Variants in PRKACB observed in about 807,000 individuals in gnomAD.
The protein encoded by PRKACB is cAMP-dependent protein kinase catalytic subunit beta.
Under a neutral mutation model 51.4 loss-of-function variants are expected in PRKACB, and 16 were observed. The observed-to-expected ratio is 0.31, with a 90% CI of 0.21 to 0.47. The LOEUF (loss-of-function observed/expected upper bound fraction) is 0.47, where lower values mean the gene tolerates loss of function less well. Ranked by LOEUF, PRKACB falls within the 20% of genes least tolerant of loss-of-function variation. The pLI, the probability that PRKACB is intolerant of heterozygous loss-of-function variation, is 1.00. For synonymous variants in PRKACB, 147 were observed against 154.4 expected, an observed-to-expected ratio of 0.95 and a Z score of 0.35; for missense variants, 309 against 464.5, an observed-to-expected ratio of 0.67 and a Z score of 3.08.
At chr1:84,155,187 G>A (rs1317611177) in intron 1 of PRKACB, among the ~76,000 whole-genome samples, 3 of 152,018 alleles carry the variant, frequency 2.0e-5, no homozygotes, top group African/African-American at 7.2e-5. Context: ...TAAAGATGCA[G>A]CATAAAAAAT....
intron 1 of PRKACB, among the ~76,000 whole-genome samples, chr1:84,113,456 T>G (rs2100853706): frequency 6.6e-6 from 1 of 152,276 alleles, no homozygotes; most frequent in East Asian, 1.9e-4. Flanking sequence ...TGGAAACAGT[T>G]TTTCAGTTTC....
intron 1 of PRKACB, among the ~76,000 whole-genome samples, chr1:84,120,338 G>A (rs1017395944): frequency 5.9e-5 from 9 of 152,080 alleles, no homozygotes; most frequent in Admixed American, 2.6e-4. Context: ...TAGTGTATTC[G>A]AAATTAGGAT....
upstream of PRKACB, chr1:84,078,098 T>TCGCCGCCGC (rs555766497): frequency 2.0e-4 from 84 of 419,694 alleles, 1 homozygote; most frequent in East Asian, 1.5e-3. Context: ...GCCACCGCCG[T>TCGCCGCCGC]CGCCGCCGCC....
chr1:84,087,214 G>T (rs1648083933), intron 1 of PRKACB, among the ~76,000 whole-genome samples: 1 of 152,194 alleles, frequency 6.6e-6, no homozygotes, highest in Non-Finnish European at 1.5e-5. Context: ...AGTCTATTCT[G>T]TGTGAATAAA....
At chr1:84,226,438 C>A (rs964647550) in intron 9 of PRKACB, among the ~76,000 whole-genome samples, 4 of 152,040 alleles carry the variant, frequency 2.6e-5, no homozygotes, top group Non-Finnish European at 5.9e-5. Flanking sequence ...GAGAACCCCC[C>A]TTCCTCCATA....
intron 8 of PRKACB, among the ~76,000 whole-genome samples, chr1:84,210,583 CAATT>C (rs1339773656): frequency 6.6e-6 from 1 of 152,116 alleles, no homozygotes; most frequent in Non-Finnish European, 1.5e-5. Context: ...AGTTTAGACT[CAATT>C]AAACTAAGCT....
intron 1 of PRKACB, among the ~76,000 whole-genome samples, chr1:84,171,057 C>T (rs1659297061): frequency 6.6e-6 from 1 of 151,384 alleles, no homozygotes; most frequent in African/African-American, 2.4e-5. Flanking sequence ...TAATAAAAAG[C>T]TTTAAAAAAA....
intron 8 of PRKACB, among the ~76,000 whole-genome samples, chr1:84,209,094 T>G (rs1398812903): frequency 6.6e-6 from 1 of 152,180 alleles, no homozygotes; most frequent in Non-Finnish European, 1.5e-5. Context: ...TCATTTGTTA[T>G]TCCTTCACTT....
At chr1:84,086,222 CTGAT>C in intron 1 of PRKACB, 1 of 1,593,060 alleles carries the variant, frequency 6.3e-7, no homozygotes, top group South Asian at 1.1e-5. Context: ...CCTGAAGAAG[CTGAT>C]TGGCTGACAA....
intron 9 of PRKACB, among the ~76,000 whole-genome samples, chr1:84,220,654 G>C (rs1673563900): frequency 6.6e-6 from 1 of 152,146 alleles, no homozygotes. Context: ...AGGAGGGGAT[G>C]TTGGCTTTTA....
intron 1 of PRKACB, among the ~76,000 whole-genome samples, chr1:84,127,240 T>C (rs1017753888): frequency 1.3e-5 from 2 of 152,212 alleles, no homozygotes; most frequent in Admixed American, 6.5e-5. Context: ...ATCTGCTAAG[T>C]TGAACAATTA....
chr1:84,227,584 A>G (rs1250325489), intron 9 of PRKACB, among the ~76,000 whole-genome samples: 1 of 152,202 alleles, frequency 6.6e-6, no homozygotes, highest in Non-Finnish European at 1.5e-5. Flanking sequence ...AGGGGATAGA[A>G]CAGGAAGGCC....
intron 9 of PRKACB, among the ~76,000 whole-genome samples, chr1:84,226,655 T>C (rs1013757248): frequency 1.3e-5 from 2 of 152,180 alleles, no homozygotes; most frequent in Non-Finnish European, 2.9e-5. Context: ...CATAGGAGAT[T>C]GGCATATCAT....
At chr1:84,107,284 T>G (rs1456159169) in intron 1 of PRKACB, among the ~76,000 whole-genome samples, 2 of 152,138 alleles carry the variant, frequency 1.3e-5, no homozygotes, top group African/African-American at 2.4e-5. Flanking sequence ...GCTAGCTGTA[T>G]GCAGAAGACT....
chr1:84,187,169 A>G lies in PRKACB; in HGVS notation c.560+1987A>G, dbSNP rs555035315. 5.2e-4 allele frequency among the ~76,000 whole-genome samples: 79 copies of G among 152,158 alleles called. 1 individual carries two copies. The highest frequency in any genetic ancestry group is 1.3e-4 in the Non-Finnish European group (9 of 68,026). ...GGTTGAACTAAAGCAGAGAATGCCA[A>G]ACTTTGCAAGAGGGACCACCAGCAC... On this transcript the variant is annotated intron_variant, in intron 5 of 9. Coordinates refer to ENST00000370685, the MANE Select transcript of PRKACB (RefSeq NM_182948.4).
intron 9 of PRKACB, among the ~76,000 whole-genome samples, chr1:84,227,124 G>A (rs1674745491): frequency 1.3e-5 from 2 of 151,888 alleles, no homozygotes; most frequent in South Asian, 4.2e-4. Context: ...TACAGTTTCT[G>A]TTTTTTTGAA....
chr1:84,147,210 A>G lies in PRKACB; in HGVS notation c.187+2662A>G, dbSNP rs545183048. ...CAGGCTATTTCTCTTGTAAATACAA[A>G]TCCATTTTAGTAAATCTTAGATTTA... is the stretch of plus-strand genomic sequence containing the variant. On this transcript the variant is annotated intron_variant, in intron 1 of 9. Coordinates refer to ENST00000370685, the MANE Select transcript of PRKACB (RefSeq NM_182948.4). Among the ~76,000 whole-genome samples, 12 of 152,150 alleles carry G rather than the reference A, an allele frequency of 7.9e-5. No individual in the cohort carries two copies. In the South Asian group the frequency reaches 2.5e-3, roughly 32 times the overall value.
At chr1:84,096,112 G>C (rs61766953) in intron 1 of PRKACB, among the ~76,000 whole-genome samples, 6,148 of 152,054 alleles carry the variant, frequency 0.04, 181 homozygotes, top group Middle Eastern at 0.099. Flanking sequence ...CAACAATTAA[G>C]ATGACTTGTT....
At chr1:84,197,676 AC>A in intron 6 of PRKACB, 52 bp from the exon 7 acceptor site, 1 of 1,154,770 alleles carries the variant, frequency 8.7e-7, no homozygotes, top group Non-Finnish European at 1.2e-6. Flanking sequence ...TGCAATAAAT[AC>A]ATTTATTGTG....
Sources: allele counts gnomAD v4.1 joint callset (sites outside exome capture counted in the v4.1 genomes callset), GRCh38; gene constraint gnomAD v4.1.1; transcripts MANE v1.5; gene names NCBI Gene and HGNC (gene_info 2026-07-23, HGNC 2026-07-21).